The following ATRN variants were observed in gnomAD, a reference collection of about 807,000 sequenced individuals.
ATRN encodes the protein attractin-2.
Under a neutral mutation model 178.7 loss-of-function variants are expected in ATRN, and 54 were observed. The ratio of observed to expected loss-of-function variants is 0.30; its 90% CI spans 0.24 to 0.38. The LOEUF (loss-of-function observed/expected upper bound fraction) is 0.38. ATRN is among the 10% of genes least tolerant of loss of function. The pLI is 1.00. For missense variants in ATRN, 1,443 were observed against 1,815.1 expected (o/e 0.79, Z 3.73); for synonymous variants, 636 against 663.0 (o/e 0.96, Z 0.63).
chr20:3,577,028 T>TGC, intron 14 of ATRN, 31 bp downstream of exon 14: 1 of 1,610,600 alleles, frequency 6.2e-7, no homozygotes. Flanking sequence ...TTGGTGTGTG[T>TGC]GGGTCCATTA....
At chr20:3,612,960 C>T (rs1432251890) in intron 24 of ATRN, among the ~76,000 whole-genome samples, 4 of 152,164 alleles carry the variant, frequency 2.6e-5, no homozygotes, top group African/African-American at 7.2e-5. Context: ...TCCCAGTTCC[C>T]TATTGCTCCA....
chr20:3,624,369 G>T (rs2086920428), intron 24 of ATRN, 142 bp from the exon 25 acceptor site: 2 of 735,664 alleles, frequency 2.7e-6, no homozygotes, highest in African/African-American at 1.8e-5. Flanking sequence ...AAGGGGTGAG[G>T]TACTTTTCCT....
intron 1 of ATRN, among the ~76,000 whole-genome samples, chr20:3,512,988 T>A (rs990842853): frequency 2.6e-5 from 4 of 152,122 alleles, no homozygotes; most frequent in Non-Finnish European, 4.4e-5. Flanking sequence ...GTTTGAGTTC[T>A]TTGTAGATTC....
At chr20:3,561,975 C>T (rs235575) in intron 8 of ATRN, among the ~76,000 whole-genome samples, 108,086 of 152,000 alleles carry the variant, frequency 0.71, 39,420 homozygotes, top group East Asian at 1. Context: ...ATCCTCCCAC[C>T]TTAGCCTCCC....
chr20:3,490,041 G>A, intron 1 of ATRN: 1 of 1,077,002 alleles, frequency 9.3e-7, no homozygotes, highest in South Asian at 1.2e-5. Context: ...AGTATTCATA[G>A]ATCTGGGCTT....
chr20:3,618,867 AAGG>A (rs1289377011), intron 24 of ATRN, among the ~76,000 whole-genome samples: 1 of 152,194 alleles, frequency 6.6e-6, no homozygotes, highest in Non-Finnish European at 1.5e-5. Flanking sequence ...TTTAAGAAAA[AAGG>A]AAGAGTTGTT....
chr20:3,512,105 A>ATTTTTT (rs1379656862), intron 1 of ATRN, among the ~76,000 whole-genome samples: 2 of 113,420 alleles, frequency 1.8e-5, no homozygotes, highest in African/African-American at 8.4e-5. Flanking sequence ...ATATATATAT[A>ATTTTTT]TATTTTTTTT....
chr20:3,525,772 A>G (rs1600074464), intron 1 of ATRN, among the ~76,000 whole-genome samples: 1 of 152,234 alleles, frequency 6.6e-6, no homozygotes, highest in Admixed American at 6.5e-5. Context: ...AACGTAATCC[A>G]TCACATAAAC....
intron 1 of ATRN, among the ~76,000 whole-genome samples, chr20:3,498,617 T>G (rs1291252390): frequency 2.0e-5 from 3 of 152,148 alleles, no homozygotes; most frequent in African/African-American, 7.2e-5. Context: ...AAAAGGCCTT[T>G]GACAAAATTC....
intron 13 of ATRN, 45 bp downstream of exon 13, chr20:3,575,993 C>T: frequency 6.2e-7 from 1 of 1,601,968 alleles, no homozygotes; most frequent in Non-Finnish European, 8.5e-7. Flanking sequence ...CCCAATTTGT[C>T]ATAGGTTTAG....
At chr20:3,620,303 G>A (rs1002946492) in intron 24 of ATRN, among the ~76,000 whole-genome samples, 2 of 152,112 alleles carry the variant, frequency 1.3e-5, no homozygotes, top group African/African-American at 4.8e-5. Flanking sequence ...GGAGTGCAGT[G>A]GTGCGATCTT....
intron 24 of ATRN, among the ~76,000 whole-genome samples, chr20:3,607,121 G>A (rs1354268451): frequency 1.3e-5 from 2 of 151,722 alleles, no homozygotes; most frequent in African/African-American, 4.8e-5. Flanking sequence ...TTTTTAAATT[G>A]ATACATAATT....
intron 17 of ATRN, 106 bp from the exon 18 acceptor site, chr20:3,584,538 GAAT>G: frequency 1.3e-6 from 1 of 774,742 alleles, no homozygotes; most frequent in South Asian, 1.9e-5. Context: ...AATCAAGACA[GAAT>G]AATATTTTTG....
intron 1 of ATRN, among the ~76,000 whole-genome samples, chr20:3,527,971 T>C (rs1005538797): frequency 2.0e-5 from 3 of 152,098 alleles, no homozygotes; most frequent in Admixed American, 6.6e-5. Context: ...CTAATGTAGA[T>C]GACGGCTTGA....
chr20:3,639,147 A>G (rs2087047692), intron 27 of ATRN, among the ~76,000 whole-genome samples: 1 of 152,130 alleles, frequency 6.6e-6, no homozygotes, highest in Non-Finnish European at 1.5e-5. Flanking sequence ...TCTTGTGTTC[A>G]GGGGATTTTA....
At chr20:3,562,584 G>C in intron 9 of ATRN, 125 bp downstream of exon 9, 1 of 875,848 alleles carries the variant, frequency 1.1e-6, no homozygotes. Flanking sequence ...ATTATATATA[G>C]AGAAATTGGG....
chr20:3,512,108 T>TATATATATATATATATATA (rs1491340714), intron 1 of ATRN, among the ~76,000 whole-genome samples: 8 of 100,758 alleles, frequency 7.9e-5, no homozygotes, highest in Non-Finnish European at 1.4e-4. Context: ...TATATATATA[T>TATATATATATATATATATA]TTTTTTTTTT....
intron 24 of ATRN, among the ~76,000 whole-genome samples, chr20:3,617,555 A>G (rs1384883300): frequency 1.3e-5 from 2 of 152,142 alleles, no homozygotes; most frequent in African/African-American, 2.4e-5. Context: ...ATGGTAGCTC[A>G]TGTCTGTAAT....
intron 1 of ATRN, among the ~76,000 whole-genome samples, chr20:3,499,496 A>G (rs1326088360): frequency 6.6e-6 from 1 of 151,126 alleles, no homozygotes. Context: ...ATATAGATCA[A>G]TGGAACAGAA....
Sources: allele counts gnomAD v4.1 joint callset (sites outside exome capture counted in the v4.1 genomes callset), GRCh38; gene constraint gnomAD v4.1.1; transcripts MANE v1.5; gene names NCBI Gene and HGNC (gene_info 2026-07-23, HGNC 2026-07-21).